The following EYA2 variants were observed in gnomAD, a reference collection of about 807,000 sequenced individuals.
EYA2 encodes protein phosphatase EYA2.
EYA2 carries 31 observed loss-of-function variants against 69.2 expected under a neutral mutation model. The ratio of observed to expected loss-of-function variants is 0.45; its 90% CI spans 0.34 to 0.60. EYA2 has a LOEUF of 0.60. Among genes scored for constraint, EYA2 ranks in the 20% least tolerant of loss-of-function variants. EYA2 has a pLI of 0.02. For synonymous variants in EYA2, 257 were observed against 279.4 expected (o/e 0.92, Z 0.80); for missense variants, 622 against 701.2 (o/e 0.89, Z 1.28).
intron 2 of EYA2, chr20:46,998,315 G>T (rs548204083): frequency 1.3e-5 from 2 of 152,306 alleles, no homozygotes; most frequent in Admixed American, 1.3e-4. Context: ...TGAAGACCAC[G>T]TTGTCGCTTG....
At chr20:47,015,737 A>G (rs1042319605) in intron 4 of EYA2, among the ~76,000 whole-genome samples, 1 of 152,190 alleles carries the variant, frequency 6.6e-6, no homozygotes, top group Admixed American at 6.5e-5. Flanking sequence ...ATAGGGTCCT[A>G]GGATGTACCA....
chr20:47,135,818 C>CAAAAAAAAAAAAAAAAAAAAA (rs1201324879), intron 9 of EYA2, among the ~76,000 whole-genome samples: 9 of 33,252 alleles, frequency 2.7e-4, no homozygotes, highest in Non-Finnish European at 3.9e-4. Context: ...CCTGTCTCTA[C>CAAAAAAAAAAAAAAAAAAAAA]AAAAAAAAAA....
intron 1 of EYA2, among the ~76,000 whole-genome samples, chr20:46,928,003 T>A (rs1245786015): frequency 6.6e-6 from 1 of 152,234 alleles, no homozygotes; most frequent in Non-Finnish European, 1.5e-5. Context: ...TAGCATTTAC[T>A]ATGCTGCAGA....
intron 7 of EYA2, 113 bp from the exon 8 acceptor site, chr20:47,089,126 G>C: frequency 7.9e-7 from 1 of 1,264,790 alleles, no homozygotes; most frequent in Non-Finnish European, 1.1e-6. Flanking sequence ...TTTGCCTCTG[G>C]TGCTGCCTTG....
intron 1 of EYA2, among the ~76,000 whole-genome samples, chr20:46,974,943 G>T (rs1454265260): frequency 6.6e-6 from 1 of 152,192 alleles, no homozygotes; most frequent in African/African-American, 2.4e-5. Flanking sequence ...ATCGTAAAAT[G>T]CAGACATCTG....
chr20:46,961,328 AT>A, intron 1 of EYA2, among the ~76,000 whole-genome samples: 1 of 152,170 alleles, frequency 6.6e-6, no homozygotes, highest in Admixed American at 6.5e-5. Flanking sequence ...TCTGTCTCAA[AT>A]AAATAAATAA....
Position 46,925,959 on chromosome 20 carries a change from A to G in EYA2, c.-11+30972A>G, listed in dbSNP as rs148184217. On this transcript the variant is annotated intron_variant, in intron 1 of 15. Coordinates refer to ENST00000327619, the MANE Select transcript of EYA2 (RefSeq NM_005244.5). ...TCACATAACTTGGTATCTCCATGCA[A>G]TGGAAAATTATGCAGCTGTAAAACA... Among the ~76,000 whole-genome samples the G allele has an allele frequency of 4.6e-5, 7 of 152,356 alleles. No homozygotes were observed. In the East Asian group the frequency reaches 5.8e-4, roughly 13 times the overall value.
chr20:47,053,523 C>T (rs1014803067), intron 5 of EYA2, among the ~76,000 whole-genome samples: 2 of 151,638 alleles, frequency 1.3e-5, no homozygotes, highest in African/African-American at 4.8e-5. Context: ...AAAAATTAGC[C>T]GGGTGTGGTG....
chr20:46,920,066 A>G (rs2146236462), intron 1 of EYA2, among the ~76,000 whole-genome samples: 1 of 152,312 alleles, frequency 6.6e-6, no homozygotes, highest in East Asian at 1.9e-4. Flanking sequence ...TGCCCAAATC[A>G]ATTATGAATA....
At chr20:47,011,087 C>A (rs75937921) in intron 4 of EYA2, among the ~76,000 whole-genome samples, 4,712 of 152,052 alleles carry the variant, frequency 0.031, 187 homozygotes, top group African/African-American at 0.096. Context: ...CCATGCCTGG[C>A]CTGATGTTTA....
intron 6 of EYA2, 151 bp from the exon 7 acceptor site, chr20:47,074,006 CG>C: frequency 1.5e-6 from 1 of 651,838 alleles, no homozygotes; most frequent in Non-Finnish European, 2.4e-6. Context: ...ATCCTTGCCC[CG>C]GGGTCTGCTT....
chr20:47,035,546 C>T lies in EYA2; in HGVS notation c.415+19249C>T, dbSNP rs144342093. 2.2e-3 allele frequency among the ~76,000 whole-genome samples: 333 copies of T among 152,328 alleles called. 1 individual carries two copies. The highest frequency in any genetic ancestry group is 7.7e-3 in the African/African-American group (322 of 41,586). On this transcript the variant is annotated intron_variant, in intron 5 of 15. Transcript: ENST00000327619. Reference sequence around the variant, plus strand: ...AAAATCATAATAGATGTCTCTCCAGCGTGCACCTCTGTTCTCCTCTCTCTA... The same window carrying T: ...AAAATCATAATAGATGTCTCTCCAGTGTGCACCTCTGTTCTCCTCTCTCTA...
intron 4 of EYA2, among the ~76,000 whole-genome samples, chr20:47,008,624 A>G (rs1982873087): frequency 6.6e-6 from 1 of 152,232 alleles, no homozygotes; most frequent in Non-Finnish European, 1.5e-5. Context: ...ATGGAAATCA[A>G]TTTGGTGCAA....
chr20:47,138,749 C>CAA (rs199541664), intron 9 of EYA2, among the ~76,000 whole-genome samples: 2 of 135,828 alleles, frequency 1.5e-5, no homozygotes, highest in South Asian at 4.7e-4. Context: ...GACCCTGTCT[C>CAA]AAAAAAAAAA....
rs1271966568 is a variant in EYA2 at position 47,166,402 on chromosome 20, A to T, written c.979-2737A>T. On this transcript the variant is annotated intron_variant, in intron 10 of 15. Transcript: ENST00000327619. ...ACAGAGCAAGACTGTCTAAAAAAAAAAAAAAAAAAAAAAAAAAAAAAAAAA... is the reference window on the plus strand; with the variant it reads ...ACAGAGCAAGACTGTCTAAAAAAAATAAAAAAAAAAAAAAAAAAAAAAAAA... Among the ~76,000 whole-genome samples the T allele has an allele frequency of 3.4e-3, 396 of 117,168 alleles. 33 individuals carry two copies. Among genetic ancestry groups the T allele is most frequent in the African/African-American group, 0.017 (327 of 19,640 alleles). 76.9% of individuals were successfully genotyped at this position (117,168 alleles called of 152,430 possible).
At chr20:47,175,374 T>G (rs1256068634) in intron 12 of EYA2, among the ~76,000 whole-genome samples, 1 of 152,228 alleles carries the variant, frequency 6.6e-6, no homozygotes, top group African/African-American at 2.4e-5. Context: ...TAGCCTGATG[T>G]CATCCTTCCA....
intron 10 of EYA2, chr20:47,161,335 C>T (rs556261335): frequency 4.4e-5 from 21 of 482,730 alleles, no homozygotes; most frequent in African/African-American, 3.7e-4. Flanking sequence ...TTATAGTCAC[C>T]GATGACAATA....
At chr20:47,017,577 T>C (rs576913074) in intron 5 of EYA2, among the ~76,000 whole-genome samples, 2 of 152,228 alleles carry the variant, frequency 1.3e-5, no homozygotes, top group Admixed American at 1.3e-4. Context: ...GAATAAATAA[T>C]CTTAGGTATG....
chr20:47,044,272 C>T (rs74968336), intron 5 of EYA2, among the ~76,000 whole-genome samples: 3,912 of 152,134 alleles, frequency 0.026, 174 homozygotes, highest in African/African-American at 0.088. Flanking sequence ...TCCACCCTTC[C>T]AAGAACCACA....
Sources: gnomAD v4.1 joint callset for allele counts (sites outside exome capture counted in the v4.1 genomes callset) on GRCh38, gnomAD v4.1.1 for gene constraint, MANE v1.5 for transcripts, NCBI Gene and HGNC (gene_info 2026-07-23, HGNC 2026-07-21) for gene names.